The following THSD7B variants were observed in gnomAD, a reference collection of about 807,000 sequenced individuals.
THSD7B encodes thrombospondin type 1 domain containing 7B.
In THSD7B, 138 loss-of-function variants were observed where a neutral mutation model predicts 213.6. That is an observed-to-expected ratio of 0.65 (90% CI 0.56 to 0.74). THSD7B has a LOEUF of 0.74. Ranked by LOEUF, THSD7B falls within the 30% of genes least tolerant of loss-of-function variation. The pLI is 0.00. For missense variants in THSD7B, 1,931 were observed against 1,991.5 expected (o/e 0.97, Z 0.58); for synonymous variants, 742 against 687.0 (o/e 1.08, Z -1.25).
intron 12 of THSD7B, among the ~76,000 whole-genome samples, chr2:137,311,191 T>C (rs1683897384): frequency 6.7e-6 from 1 of 150,056 alleles, no homozygotes; most frequent in African/African-American, 2.5e-5. Context: ...TGAGCAGTGG[T>C]TTGTAGTTCT....
At chr2:137,546,357 ATATATTATATATATATATAATATATATAT>A in intron 15 of THSD7B, among the ~76,000 whole-genome samples, 1 of 57,318 alleles carries the variant, frequency 1.7e-5, no homozygotes, top group Admixed American at 2.6e-4. Flanking sequence ...CAGCATATAT[ATATATTATATATATATATAATATATATAT>A]TATATATATT....
chr2:136,783,998 T>C (rs941124757), intron 1 of THSD7B, among the ~76,000 whole-genome samples: 3 of 152,186 alleles, frequency 2.0e-5, no homozygotes, highest in Non-Finnish European at 4.4e-5. Context: ...GTGTGAAGCA[T>C]AGGCCACATA....
At chr2:137,017,227 A>C (rs559792657) in intron 2 of THSD7B, among the ~76,000 whole-genome samples, 5 of 152,120 alleles carry the variant, frequency 3.3e-5, no homozygotes, top group Middle Eastern at 3.4e-3. Context: ...AAAAGAAAAC[A>C]GCAAACATGG....
intron 3 of THSD7B, among the ~76,000 whole-genome samples, chr2:137,074,609 T>G (rs1687577283): frequency 6.6e-6 from 1 of 152,206 alleles, no homozygotes; most frequent in Non-Finnish European, 1.5e-5. Context: ...TTGTTATGTG[T>G]GAATTTGATC....
chr2:136,813,065 T>G (rs1285850280), intron 1 of THSD7B, among the ~76,000 whole-genome samples: 2 of 152,184 alleles, frequency 1.3e-5, no homozygotes, highest in African/African-American at 2.4e-5. Context: ...AAATAAGGAT[T>G]GGATAAAAGT....
At chr2:137,143,869 T>C (rs1001133358) in intron 5 of THSD7B, among the ~76,000 whole-genome samples, 1 of 152,142 alleles carries the variant, frequency 6.6e-6, no homozygotes. Context: ...GATCTTTTTT[T>C]AACCAATCAT....
intron 9 of THSD7B, among the ~76,000 whole-genome samples, chr2:137,240,287 T>G (rs1262328055): frequency 6.6e-6 from 1 of 152,214 alleles, no homozygotes; most frequent in East Asian, 1.9e-4. Context: ...AAAACAAAAT[T>G]TATTCGTCTC....
chr2:137,264,284 G>C (rs527307331), intron 10 of THSD7B, among the ~76,000 whole-genome samples: 2 of 144,810 alleles, frequency 1.4e-5, no homozygotes, highest in East Asian at 4.0e-4. Flanking sequence ...ACAGAGTCTC[G>C]CTCTCTTGCC....
At chr2:137,587,912 G>A (rs2104809951) in intron 17 of THSD7B, among the ~76,000 whole-genome samples, 1 of 152,276 alleles carries the variant, frequency 6.6e-6, no homozygotes, top group East Asian at 1.9e-4. Context: ...GCCTTTTGTT[G>A]GGCTGTGCCC....
intron 17 of THSD7B, among the ~76,000 whole-genome samples, chr2:137,579,518 GCA>G (rs145650148): frequency 1.1e-4 from 16 of 139,950 alleles, no homozygotes; most frequent in African/African-American, 4.5e-4. Flanking sequence ...GTGAGTACAT[GCA>G]CACACACACG....
chr2:137,100,584 T>C (rs1377163093), intron 4 of THSD7B, among the ~76,000 whole-genome samples: 1 of 152,106 alleles, frequency 6.6e-6, no homozygotes, highest in East Asian at 1.9e-4. Context: ...GTTTGTTTCC[T>C]TTTCCTTAGA....
chr2:137,408,639 T>A (rs1334121836), intron 13 of THSD7B, among the ~76,000 whole-genome samples: 1 of 152,178 alleles, frequency 6.6e-6, no homozygotes. Flanking sequence ...ATTTTACAGA[T>A]CTGTAGTGTT....
At chr2:137,548,643 T>A (rs1280417798) in intron 15 of THSD7B, among the ~76,000 whole-genome samples, 1 of 152,062 alleles carries the variant, frequency 6.6e-6, no homozygotes, top group African/African-American at 2.4e-5. Context: ...CTTTATTCTG[T>A]ACACGTCATG....
chr2:137,540,774 CAGTT>C (rs1305313266), intron 15 of THSD7B, among the ~76,000 whole-genome samples: 1 of 151,538 alleles, frequency 6.6e-6, no homozygotes, highest in African/African-American at 2.4e-5. Flanking sequence ...TGGTATATAA[CAGTT>C]AGGGTAAAGA....
intron 12 of THSD7B, among the ~76,000 whole-genome samples, chr2:137,347,003 C>G (rs1684890247): frequency 6.6e-6 from 1 of 151,634 alleles, no homozygotes; most frequent in East Asian, 1.9e-4. Flanking sequence ...AGCCTCCATA[C>G]TATTTTCCAT....
At chr2:137,169,946 C>T (rs189227286) in intron 6 of THSD7B, among the ~76,000 whole-genome samples, 5 of 152,246 alleles carry the variant, frequency 3.3e-5, no homozygotes, top group East Asian at 3.9e-4. Context: ...CAAGAGTCAA[C>T]GGAAGCTGAA....
At chr2:137,289,505 T>C (rs1049002946) in intron 12 of THSD7B, among the ~76,000 whole-genome samples, 1 of 152,066 alleles carries the variant, frequency 6.6e-6, no homozygotes. Flanking sequence ...GGGGCAATTT[T>C]TAAAAAATAT....
intron 12 of THSD7B, among the ~76,000 whole-genome samples, chr2:137,299,760 T>A (rs772716465): frequency 6.6e-6 from 1 of 152,192 alleles, no homozygotes; most frequent in African/African-American, 2.4e-5. Context: ...ATACATAGTT[T>A]TAACTATGAA....
chr2:137,562,819 C>A (rs1235917426), intron 15 of THSD7B, among the ~76,000 whole-genome samples: 2 of 152,000 alleles, frequency 1.3e-5, no homozygotes, highest in Non-Finnish European at 2.9e-5. Flanking sequence ...GAATAATTTT[C>A]CTTATATATG....
Sources: allele counts gnomAD v4.1 joint callset (sites outside exome capture counted in the v4.1 genomes callset), GRCh38; gene constraint gnomAD v4.1.1; transcripts MANE v1.5; gene names NCBI Gene and HGNC (gene_info 2026-07-23, HGNC 2026-07-21).